The following LARGE1 variants were observed in gnomAD, a reference collection of about 807,000 sequenced individuals.
LARGE1 encodes the protein LARGE xylosyl- and glucuronyltransferase 1.
LARGE1 carries 43 observed loss-of-function variants against 87.6 expected under a neutral mutation model. The ratio of observed to expected loss-of-function variants is 0.49; its 90% confidence interval spans 0.38 to 0.63. The LOEUF (loss-of-function observed/expected upper bound fraction) is 0.63. Ranked by LOEUF, LARGE1 falls within the 30% of genes least tolerant of loss-of-function variation. The probability of loss-of-function intolerance (pLI) is 0.00; values close to 1 mark genes in which losing one functional copy is unlikely to be tolerated. For synonymous variants in LARGE1, 434 were observed against 394.6 expected, an observed-to-expected ratio of 1.10 and a Z score of -1.18; for missense variants, 802 against 1,000.2, an observed-to-expected ratio of 0.80 and a Z score of 2.67.
rs1347550359 is a variant in LARGE1 at position 33,166,722 on chromosome 22, A to G, written c.*41T>C. Reference sequence around the variant, plus strand: ...TGTAAAATTAGGGCTCATGAAGAACAGTACCCAAGTCCTCGAGAAGGAAGC... The same window carrying G: ...TGTAAAATTAGGGCTCATGAAGAACGGTACCCAAGTCCTCGAGAAGGAAGC... On this transcript the variant is annotated 3_prime_UTR_variant, in exon 12 of 12. Transcript: ENST00000608642. 11 of 470,892 alleles carry G rather than the reference A, an allele frequency of 2.3e-5. No individual in the cohort carries two copies. The East Asian group carries it at 7.6e-4, about 33-fold the overall frequency. 29.2% of individuals were successfully genotyped at this position (470,892 alleles called of 1,614,324 possible).
At chr22:33,332,090 G>C (rs1178716485) in intron 10 of LARGE1, among the ~76,000 whole-genome samples, 1 of 152,128 alleles carries the variant, frequency 6.6e-6, no homozygotes, top group Non-Finnish European at 1.5e-5. Flanking sequence ...CTAGCCCTGT[G>C]TCTGGCGACT....
chr22:33,294,100 T>C (rs1932923588), intron 12 of LARGE1, among the ~76,000 whole-genome samples: 2 of 152,262 alleles, frequency 1.3e-5, no homozygotes, highest in South Asian at 4.1e-4. Flanking sequence ...TTGGGACCTC[T>C]TGTGGCCCCT....
At chr22:33,483,800 A>T (rs892921725) in intron 6 of LARGE1, among the ~76,000 whole-genome samples, 2 of 152,172 alleles carry the variant, frequency 1.3e-5, no homozygotes, top group African/African-American at 4.8e-5. Flanking sequence ...AGAAACAGGG[A>T]TGAAAGAATT....
At chr22:33,775,330 C>G (rs367592700) in intron 1 of LARGE1, among the ~76,000 whole-genome samples, 1 of 152,166 alleles carries the variant, frequency 6.6e-6, no homozygotes, top group Non-Finnish European at 1.5e-5. Flanking sequence ...AGCTTCATAC[C>G]CTGGCATGGT....
the LARGE1 span, among the ~76,000 whole-genome samples, chr22:33,098,922 C>T: frequency 6.6e-6 from 1 of 152,306 alleles, no homozygotes; most frequent in Middle Eastern, 3.4e-3. Flanking sequence ...CAGATGCCAA[C>T]CTTGGAGGCC....
At chr22:33,229,987 C>T (rs890805324) in intron 11 of LARGE1, among the ~76,000 whole-genome samples, 6 of 132,188 alleles carry the variant, frequency 4.5e-5, no homozygotes, top group Non-Finnish European at 9.9e-5. Context: ...GTGACATTTT[C>T]AAACATTTTC....
intron 6 of LARGE1, among the ~76,000 whole-genome samples, chr22:33,438,471 G>T (rs1216234196): frequency 6.6e-6 from 1 of 152,162 alleles, no homozygotes; most frequent in Non-Finnish European, 1.5e-5. Flanking sequence ...TGTCTTCTTT[G>T]CTTATTCATA....
intron 2 of LARGE1, among the ~76,000 whole-genome samples, chr22:33,759,647 C>T (rs1045232127): frequency 6.6e-6 from 1 of 152,108 alleles, no homozygotes; most frequent in African/African-American, 2.4e-5. Flanking sequence ...CATCACTGTC[C>T]TTGTTATACC....
chr22:33,525,204 T>A (rs542511348), intron 6 of LARGE1, among the ~76,000 whole-genome samples: 1 of 152,262 alleles, frequency 6.6e-6, no homozygotes, highest in South Asian at 2.1e-4. Context: ...AGAGGGTCCC[T>A]TGACCTTCTG....
intron 6 of LARGE1, among the ~76,000 whole-genome samples, chr22:33,544,469 C>A (rs2077297679): frequency 6.6e-6 from 1 of 152,032 alleles, no homozygotes; most frequent in Admixed American, 6.6e-5. Context: ...GGCAGATCCC[C>A]TGAGGTAAGG....
intron 6 of LARGE1, among the ~76,000 whole-genome samples, chr22:33,495,163 C>G (rs2070045687): frequency 1.3e-5 from 2 of 149,658 alleles, no homozygotes; most frequent in Non-Finnish European, 3.0e-5. Context: ...ATCACAGGCT[C>G]TCTCCTTTGC....
At chr22:33,750,840 T>A (rs981708920) in intron 2 of LARGE1, 1 of 152,194 alleles carries the variant, frequency 6.6e-6, no homozygotes, top group African/African-American at 2.4e-5. Context: ...TCCACTCTCA[T>A]AGGGTGAATA....
upstream of LARGE1, among the ~76,000 whole-genome samples, chr22:33,921,054 G>T (rs1053252986): frequency 1.3e-5 from 2 of 150,440 alleles, no homozygotes; most frequent in Admixed American, 1.3e-4. This position sits in a 1 kb window ranked among gnomAD's most constrained non-coding sequence, Gnocchi z 4.1. Context: ...ACCGCGAGCC[G>T]GGGCTGGGTT....
intron 2 of LARGE1, among the ~76,000 whole-genome samples, chr22:33,687,926 G>A (rs1418498379): frequency 6.6e-6 from 1 of 152,156 alleles, no homozygotes; most frequent in African/African-American, 2.4e-5. Context: ...CATACCTACA[G>A]AGAACTTCCA....
At chr22:33,877,967 C>T in intron 1 of LARGE1, among the ~76,000 whole-genome samples, 1 of 151,082 alleles carries the variant, frequency 6.6e-6, no homozygotes, top group Non-Finnish European at 1.5e-5. Flanking sequence ...ACAGTCCAGA[C>T]AGTATGAAAT....
At chr22:33,329,750 T>A (rs1937523212) in intron 10 of LARGE1, among the ~76,000 whole-genome samples, 1 of 152,178 alleles carries the variant, frequency 6.6e-6, no homozygotes, top group Non-Finnish European at 1.5e-5. Flanking sequence ...AAGTTTCCTG[T>A]CCAAATTGGT....
At position 33,544,684 on chromosome 22, in the gene LARGE1, A is replaced by AAACAACAACAAC. The variant is rs149731889; in HGVS notation, c.787+20163_787+20164insGTTGTTGTTGTT. Reference sequence around the variant, plus strand: ...GCAAACAGAGCAAGACCCTGTCTCAAAACAACAACCACAACAACAACAACA... The same window carrying AAACAACAACAAC: ...GCAAACAGAGCAAGACCCTGTCTCAAAACAACAACAACAACAACAACCACAACAACAACAACA... On this transcript the variant is annotated intron_variant, in intron 6 of 14. Coordinates refer to ENST00000397394, the MANE Select transcript of LARGE1 (RefSeq NM_133642.5). Among the ~76,000 whole-genome samples, 41 of 64,308 alleles carry AAACAACAACAAC rather than the reference A, an allele frequency of 6.4e-4. 1 individual carries two copies. The South Asian group carries it at 7.2e-3, about 11-fold the overall frequency. The allele number at this position is 64,308 out of a possible 152,430, so 42.2% of individuals were successfully genotyped here.
intron 5 of LARGE1, among the ~76,000 whole-genome samples, chr22:33,594,675 C>T (rs1019044213): frequency 6.6e-6 from 1 of 152,174 alleles, no homozygotes. Flanking sequence ...GGCGCAATCT[C>T]AGCTCACTGC....
chr22:33,612,007 C>G (rs1447760371), intron 4 of LARGE1, among the ~76,000 whole-genome samples: 1 of 152,218 alleles, frequency 6.6e-6, no homozygotes, highest in Non-Finnish European at 1.5e-5. Flanking sequence ...GAGGCCTCCC[C>G]AGAGGCCGAG....
Sources: allele counts gnomAD v4.1 joint callset (sites outside exome capture counted in the v4.1 genomes callset), GRCh38; gene constraint gnomAD v4.1.1; non-coding constraint Gnocchi (gnomAD v3.1); transcripts MANE v1.5; gene names NCBI Gene and HGNC (gene_info 2026-07-23, HGNC 2026-07-21).